The following BEND7 variants were observed in gnomAD, a reference collection of about 807,000 sequenced individuals.
BEND7 encodes BEN domain-containing protein 7.
A neutral mutation model predicts 50.9 loss-of-function variants in BEND7; 28 were observed. The observed-to-expected ratio is 0.55, with a 90% confidence interval of 0.41 to 0.75. The LOEUF (loss-of-function observed/expected upper bound fraction) is 0.75, where lower values mean the gene tolerates loss of function less well. BEND7 is among the 30% of genes least tolerant of loss of function. The pLI, the probability that BEND7 is intolerant of heterozygous loss-of-function variation, is 0.00. For synonymous variants in BEND7, 170 were observed against 183.9 expected, an observed-to-expected ratio of 0.92 and a Z score of 0.61; for missense variants, 477 against 491.3, an observed-to-expected ratio of 0.97 and a Z score of 0.28.
chr10:13,528,377 G>A (rs1489073379), intron 1 of BEND7, 96 bp downstream of exon 1: 2 of 482,518 alleles, frequency 4.1e-6, no homozygotes, highest in African/African-American at 2.1e-5. Context: ...GAAGGACCGG[G>A]GGCTCCGGGA....
chr10:13,493,690 G>A (rs2076833685), intron 4 of BEND7, among the ~76,000 whole-genome samples: 2 of 152,164 alleles, frequency 1.3e-5, no homozygotes, highest in South Asian at 4.1e-4. Flanking sequence ...AATCCAGGAT[G>A]GTAAATTACA....
chr10:13,509,698 A>C (rs550081846), intron 2 of BEND7, among the ~76,000 whole-genome samples: 1 of 152,318 alleles, frequency 6.6e-6, no homozygotes, highest in South Asian at 2.1e-4. Flanking sequence ...TGGGGAGGAG[A>C]AAAGAGAACG....
At chr10:13,526,100 G>C (rs777468604) in intron 2 of BEND7, 38 bp downstream of exon 2, 3 of 1,107,158 alleles carry the variant, frequency 2.7e-6, no homozygotes, top group Non-Finnish European at 3.6e-6. Context: ...AAATGGTCAC[G>C]ATGTTTTGCT....
chr10:13,493,017 C>A, intron 4 of BEND7, 141 bp from the exon 5 acceptor site: 1 of 1,043,678 alleles, frequency 9.6e-7, no homozygotes, highest in South Asian at 1.7e-5. Flanking sequence ...AAATCTCCAA[C>A]TGGACCTAAA....
In BEND7 at chr10:13,481,006, A is replaced by C. The variant is rs1290069712; in HGVS notation, c.956T>G (p.Phe319Cys). The C allele has an allele frequency of 1.2e-6, 2 of 1,614,154 alleles. No homozygotes were observed. The highest frequency in any genetic ancestry group is 4.5e-5 in the East Asian group (2 of 44,880). ...SLLFRKLVCAFFDDKTLANSL... is the reference protein window; with the variant it reads ...SLLFRKLVCACFDDKTLANSL... Reference sequence around the variant, plus strand: ...GTTAGCCAAAGTCTTGTCATCAAAAAACGCACACACCAGTTTTCTAAACAG... The same window carrying C: ...GTTAGCCAAAGTCTTGTCATCAAAACACGCACACACCAGTTTTCTAAACAG... The change falls in exon 6 of 9, where the codon TTT becomes TGT. Residue 319 changes from phenylalanine (F) to cysteine (C), a missense_variant. Coordinates refer to ENST00000466271, the MANE Select transcript of BEND7 (RefSeq NM_001369863.1).
At chr10:13,439,233 T>C, downstream of BEND7, 3 of 1,614,210 alleles carry the variant, frequency 1.9e-6, no homozygotes, top group Non-Finnish European at 2.5e-6. Flanking sequence ...CGTGGGAAAG[T>C]TGCGAATCCC....
At chr10:13,466,142 T>TA (rs1380587496) in intron 6 of BEND7, among the ~76,000 whole-genome samples, 1 of 152,178 alleles carries the variant, frequency 6.6e-6, no homozygotes, top group Non-Finnish European at 1.5e-5. Context: ...ACAGTTGGTA[T>TA]ATTTCAATGG....
At chr10:13,489,809 G>A (rs1391652165) in intron 5 of BEND7, among the ~76,000 whole-genome samples, 3 of 151,750 alleles carry the variant, frequency 2.0e-5, no homozygotes, top group Non-Finnish European at 4.4e-5. Context: ...TGAGGAGGGG[G>A]CTCTCCTTAA....
chr10:13,475,241 G>A (rs1194883595), intron 6 of BEND7, among the ~76,000 whole-genome samples: 1 of 152,134 alleles, frequency 6.6e-6, no homozygotes, highest in Non-Finnish European at 1.5e-5. Flanking sequence ...TAATTATACT[G>A]ATGTTATGTA....
At chr10:13,475,587 G>A (rs1310110752) in intron 6 of BEND7, among the ~76,000 whole-genome samples, 1 of 152,112 alleles carries the variant, frequency 6.6e-6, no homozygotes, top group Non-Finnish European at 1.5e-5. Context: ...CCTGACACTA[G>A]TAAAAAAATT....
intron 2 of BEND7, among the ~76,000 whole-genome samples, chr10:13,524,810 C>T (rs2079336136): frequency 6.6e-6 from 1 of 152,106 alleles, no homozygotes; most frequent in Admixed American, 6.5e-5. Context: ...GCAGTGCTGG[C>T]CCCAGTGATA....
chr10:13,441,445 G>A lies in BEND7; in HGVS notation c.*298C>T, dbSNP rs141007595. 59 of 1,163,132 alleles carry A rather than the reference G, an allele frequency of 5.1e-5. No homozygotes were observed. The African/African-American group carries it at 9.4e-4, about 18-fold the overall frequency. The allele number at this position is 1,163,132 out of a possible 1,614,324, so 72.1% of individuals were successfully genotyped here. On this transcript the variant is annotated 3_prime_UTR_variant, in exon 9 of 9. Transcript: ENST00000466271. The stretch of plus-strand genomic sequence containing the variant: ...TTTCCAGTGTGTAGATCCGTTCATC[G>A]CACACATCTTTGGGTTGAACAAGCT...
intron 5 of BEND7, among the ~76,000 whole-genome samples, chr10:13,485,870 T>C (rs2131842111): frequency 6.6e-6 from 1 of 152,308 alleles, no homozygotes; most frequent in East Asian, 1.9e-4. Flanking sequence ...TCATTTATTT[T>C]CTATTTTTAA....
chr10:13,485,186 T>C (rs925933621), intron 5 of BEND7, among the ~76,000 whole-genome samples: 2 of 152,156 alleles, frequency 1.3e-5, no homozygotes, highest in African/African-American at 2.4e-5. Context: ...AGACAATTTT[T>C]AGGAGATCAT....
chr10:13,487,241 T>C (rs2076284642), intron 5 of BEND7, among the ~76,000 whole-genome samples: 1 of 152,182 alleles, frequency 6.6e-6, no homozygotes, highest in Admixed American at 6.5e-5. Context: ...AGTTTGCAGT[T>C]GCAAAAACCA....
intron 2 of BEND7, among the ~76,000 whole-genome samples, chr10:13,517,350 G>A (rs1490145056): frequency 3.9e-5 from 6 of 152,126 alleles, no homozygotes; most frequent in Non-Finnish European, 8.8e-5. Flanking sequence ...AAGTGGTCTG[G>A]TATGGCTGCT....
intron 2 of BEND7, among the ~76,000 whole-genome samples, chr10:13,509,564 T>G (rs2078131757): frequency 6.6e-6 from 1 of 152,198 alleles, no homozygotes; most frequent in Non-Finnish European, 1.5e-5. Context: ...AGAAATCATG[T>G]GACAAGTGTT....
At chr10:13,521,445 GCCACGTACCTAA>G (rs1446957481) in intron 2 of BEND7, among the ~76,000 whole-genome samples, 1 of 152,134 alleles carries the variant, frequency 6.6e-6, no homozygotes, top group Non-Finnish European at 1.5e-5. Flanking sequence ...ACTATTACTG[GCCACGTACCTAA>G]CCCCAAGAGA....
Position 13,508,424 on chromosome 10 carries a change from G to A in BEND7, c.146-8344C>T, listed in dbSNP as rs560873341. Among the ~76,000 whole-genome samples, 13 of 152,262 alleles carry A rather than the reference G, an allele frequency of 8.5e-5. No homozygotes were observed. In the East Asian group the frequency reaches 2.3e-3, roughly 27 times the overall value. On this transcript the variant is annotated intron_variant, in intron 2 of 8. Transcript: ENST00000466271. ...GCGCCAGAACCCGATTCCTGAAGCC[G>A]CCCTTGGAAGATGCTCAAGAACTCC...
Sources: gnomAD v4.1 joint callset for allele counts (sites outside exome capture counted in the v4.1 genomes callset) on GRCh38, gnomAD v4.1.1 for gene constraint, MANE v1.5 for transcripts, NCBI Gene and HGNC (gene_info 2026-07-23, HGNC 2026-07-21) for gene names.